The following PCDH11X variants were observed in gnomAD, a reference collection of about 807,000 sequenced individuals.
The protein encoded by PCDH11X is protocadherin 11 X-linked.
Under a neutral mutation model 53.3 loss-of-function variants are expected in PCDH11X, and 18 were observed. That is an observed-to-expected ratio of 0.34 (90% CI 0.23 to 0.50). The LOEUF is 0.50. PCDH11X is among the 20% of genes least tolerant of loss of function. The probability of loss-of-function intolerance (pLI) is 0.98; values close to 1 mark genes in which losing one functional copy is unlikely to be tolerated. For missense variants in PCDH11X, 570 were observed against 1,032.4 expected, an observed-to-expected ratio of 0.55 and a Z score of 6.14; for synonymous variants, 279 against 393.3, an observed-to-expected ratio of 0.71 and a Z score of 3.44.
chrX:92,176,560 T>C (rs1011210457), intron 6 of PCDH11X, among the ~76,000 whole-genome samples: 2 of 112,029 alleles, frequency 1.8e-5, no homozygotes, highest in Admixed American at 9.6e-5. Flanking sequence ...ATAAAACCAT[T>C]TCTAGTTCTG....
intron 10 of PCDH11X, among the ~76,000 whole-genome samples, chrX:92,506,349 A>G (rs1300165127): frequency 2.9e-5 from 3 of 102,593 alleles, no homozygotes; most frequent in African/African-American, 1.1e-4. Context: ...CTTTTGCTCA[A>G]TTAGTATGAT....
At chrX:92,573,875 A>G (rs1922497171) in intron 10 of PCDH11X, among the ~76,000 whole-genome samples, 1 of 110,007 alleles carries the variant, frequency 9.1e-6, no homozygotes, top group African/African-American at 3.3e-5. Flanking sequence ...TCCCTATTCC[A>G]CAGAGAAAAC....
chrX:91,840,137 C>T (rs1304115213), intron 5 of PCDH11X, among the ~76,000 whole-genome samples: 3 of 110,933 alleles, frequency 2.7e-5, no homozygotes, highest in Non-Finnish European at 3.8e-5. Context: ...GTATATAAAC[C>T]ACAGGGACTT....
At chrX:92,163,182 G>T (rs924271117) in intron 6 of PCDH11X, among the ~76,000 whole-genome samples, 5 of 109,565 alleles carry the variant, frequency 4.6e-5, no homozygotes, top group Non-Finnish European at 9.5e-5. Context: ...CACTCCCACC[G>T]TGCCCCCCGC....
At chrX:92,234,097 G>GA (rs1271802262) in intron 7 of PCDH11X, among the ~76,000 whole-genome samples, 1 of 111,836 alleles carries the variant, frequency 8.9e-6, no homozygotes, top group Non-Finnish European at 1.9e-5. Context: ...TCTAAAATGG[G>GA]AAAGCACTTA....
chrX:92,217,363 C>T (rs1266719090), intron 7 of PCDH11X, among the ~76,000 whole-genome samples: 43 of 104,819 alleles, frequency 4.1e-4, no homozygotes, highest in African/African-American at 1.5e-3. Flanking sequence ...GGAAGATCTA[C>T]CAAGCAAATG....
At chrX:92,582,542 G>C (rs1923844532) in intron 10 of PCDH11X, among the ~76,000 whole-genome samples, 1 of 110,117 alleles carries the variant, frequency 9.1e-6, no homozygotes, top group Admixed American at 9.7e-5. Context: ...TAGATGTCCA[G>C]GTAGAAGTTT....
chrX:92,367,797 T>A (rs1187564631), intron 8 of PCDH11X, among the ~76,000 whole-genome samples: 5 of 111,992 alleles, frequency 4.5e-5, no homozygotes, highest in African/African-American at 1.6e-4. Flanking sequence ...TGAAAATTCT[T>A]TTCTTTAAGA....
At chrX:92,476,122 A>G (rs1030862842) in intron 10 of PCDH11X, among the ~76,000 whole-genome samples, 1 of 110,475 alleles carries the variant, frequency 9.1e-6, no homozygotes, top group Non-Finnish European at 1.9e-5. Flanking sequence ...GTCTCATGAG[A>G]TCTGATGGTT....
At chrX:92,593,771 C>A (rs1176023980) in intron 10 of PCDH11X, among the ~76,000 whole-genome samples, 1 of 109,664 alleles carries the variant, frequency 9.1e-6, no homozygotes, top group African/African-American at 3.3e-5. Context: ...AATCTGTGCC[C>A]ATGTGTCTGA....
At chrX:91,948,543 A>G (rs1450349255) in intron 6 of PCDH11X, among the ~76,000 whole-genome samples, 1 of 110,863 alleles carries the variant, frequency 9.0e-6, no homozygotes, top group Non-Finnish European at 1.9e-5. Context: ...TCTGTCCTAC[A>G]CTAAGATGTT....
intron 6 of PCDH11X, among the ~76,000 whole-genome samples, chrX:92,115,447 G>T (rs1017915325): frequency 9.1e-6 from 1 of 110,484 alleles, no homozygotes; most frequent in African/African-American, 3.3e-5. Flanking sequence ...GGGTTTTCTA[G>T]AGGGACAGAA....
intron 6 of PCDH11X, among the ~76,000 whole-genome samples, chrX:92,038,325 C>T (rs1226090403): frequency 9.1e-6 from 1 of 110,102 alleles, no homozygotes; most frequent in Non-Finnish European, 1.9e-5. Context: ...GCTCAAGGTC[C>T]CCATGCTGTG....
chrX:92,280,412 G>A (rs1026141448), intron 8 of PCDH11X, among the ~76,000 whole-genome samples: 5 of 109,830 alleles, frequency 4.6e-5, no homozygotes, highest in African/African-American at 6.6e-5. Context: ...GCTGGGCGTG[G>A]TGGTGCGCAT....
In PCDH11X at chrX:91,883,649, C is replaced by CA. The variant is rs760119251; in HGVS notation, c.3033+4382dup. On this transcript the variant is annotated intron_variant, in intron 6 of 10. Transcript: ENST00000682573. The stretch of plus-strand genomic sequence containing the variant: ...TGAAACCCCATCTCCACTAAAAATA[C>CA]AAAAAATTAGCCTGGCGTGGTGGCG... The CA allele has an allele frequency of 7.5e-6, 4 of 534,983 alleles. No homozygotes were observed. In the African/African-American group the frequency reaches 1.1e-4, roughly 14 times the overall value. 44.1% of individuals were successfully genotyped at this position (534,983 alleles called of 1,213,427 possible).
intron 6 of PCDH11X, among the ~76,000 whole-genome samples, chrX:92,032,541 G>A (rs937670008): frequency 8.1e-5 from 9 of 110,917 alleles, no homozygotes; most frequent in African/African-American, 3.0e-4. Context: ...GTTAAAGTGG[G>A]TATCCTTGTC....
At chrX:92,538,351 T>C (rs1205360373) in intron 10 of PCDH11X, among the ~76,000 whole-genome samples, 3 of 106,614 alleles carry the variant, frequency 2.8e-5, no homozygotes, top group African/African-American at 6.8e-5. Flanking sequence ...ATTGGAGAGT[T>C]CATCTATTTA....
rs1415846958 is a variant in PCDH11X, at chrX:92,452,463, G to GTGTATA, written c.3344-15835_3344-15834insGTATAT. On this transcript the variant is annotated intron_variant, in intron 9 of 10. Coordinates refer to ENST00000682573, the MANE Select transcript of PCDH11X (RefSeq NM_032968.5). ...TTGTATAATATAGATGTGTGTGTGT[G>GTGTATA]TATATATATATATATATATATATAT... 1.1e-3 allele frequency among the ~76,000 whole-genome samples: 49 copies of GTGTATA among 44,707 alleles called. 1 individual carries two copies. Among genetic ancestry groups the GTGTATA allele is most frequent in the East Asian group, 4.9e-3 (5 of 1,030 alleles). 38.8% of individuals were successfully genotyped at this position (44,707 alleles called of 115,157 possible). A position where few individuals can be genotyped will look rare whatever the true frequency, so the allele number is the denominator to read the frequency against.
rs1408926123 is a variant in PCDH11X, at chrX:92,219,267, G to T, written c.3114+17812G>T. On this transcript the variant is annotated intron_variant, in intron 7 of 10. Coordinates refer to ENST00000682573, the MANE Select transcript of PCDH11X (RefSeq NM_032968.5). Reference sequence around the variant, plus strand: ...AGAGGAAGTCAAATTGTCCCTGTTTGCAGATGACATGATTGTATATCTAGA... The same window carrying T: ...AGAGGAAGTCAAATTGTCCCTGTTTTCAGATGACATGATTGTATATCTAGA... 2.7e-5 allele frequency among the ~76,000 whole-genome samples: 3 copies of T among 110,565 alleles called. 1 individual carries two copies.
Sources: gnomAD v4.1 joint callset for allele counts (sites outside exome capture counted in the v4.1 genomes callset) on GRCh38, gnomAD v4.1.1 for gene constraint, MANE v1.5 for transcripts, NCBI Gene and HGNC (gene_info 2026-07-23, HGNC 2026-07-21) for gene names.